The following ANKRD17 variants were observed in gnomAD, a reference collection of about 807,000 sequenced individuals.
The protein encoded by ANKRD17 is ankyrin repeat domain-containing protein 17.
In ANKRD17, 19 loss-of-function variants were observed where a neutral mutation model predicts 229.7. The ratio of observed to expected loss-of-function variants is 0.08; its 90% confidence interval spans 0.06 to 0.12. The LOEUF (loss-of-function observed/expected upper bound fraction) is 0.12, where lower values mean the gene tolerates loss of function less well. Ranked by LOEUF, ANKRD17 falls within the 10% of genes least tolerant of loss-of-function variation. The pLI is 1.00. For missense variants in ANKRD17, 2,176 were observed against 3,176.8 expected (o/e 0.68, Z 7.57); for synonymous variants, 1,112 against 1,146.1 (o/e 0.97, Z 0.60).
chr4:73,120,912 T>A lies in ANKRD17; in HGVS notation c.3818A>T (p.Asp1273Val). 1 of 1,613,590 alleles carries A rather than the reference T, an allele frequency of 6.2e-7. No individual in the cohort carries two copies. Residue 1273 changes from aspartate (D) to valine (V), a missense_variant, in exon 20 of 34, where the codon GAT (aspartate) becomes GTT (valine). This residue lies in a region of ANKRD17 where 178 missense variants were observed against 421.7 expected (regional missense o/e 0.42). Coordinates refer to ENST00000358602, the MANE Select transcript of ANKRD17 (RefSeq NM_032217.5). ...GRTEVVSLLL[D>V]RKANVEHRAK... ...TCTGTGTTCAACATTTGCTTTTCTA[T>A]CAAGCAGAAGACTAACCACTTCAGT... is the stretch of plus-strand genomic sequence containing the variant.
chr4:73,210,476 T>G (rs1003635345), intron 1 of ANKRD17, among the ~76,000 whole-genome samples: 39 of 152,152 alleles, frequency 2.6e-4, no homozygotes, highest in African/African-American at 8.4e-4. Context: ...TCATGCTCAC[T>G]GTGTGGGCCA....
intron 1 of ANKRD17, among the ~76,000 whole-genome samples, chr4:73,184,528 C>CAAAAAAAAAAAA (rs776930137): frequency 1.7e-4 from 5 of 29,966 alleles, no homozygotes; most frequent in Non-Finnish European, 3.2e-4. Context: ...GACTTCCTCT[C>CAAAAAAAAAAAA]AAAAAAAAAA....
At chr4:73,158,166 A>AAGAAAG (rs1474048189) in intron 3 of ANKRD17, among the ~76,000 whole-genome samples, 1 of 150,294 alleles carries the variant, frequency 6.7e-6, no homozygotes, top group Non-Finnish European at 1.5e-5. Flanking sequence ...GAAAGAAAGA[A>AAGAAAG]AGAAAGAAAG....
At chr4:73,118,538 T>C (rs1020502702) in intron 22 of ANKRD17, 150 bp downstream of exon 22, 70 of 857,268 alleles carry the variant, frequency 8.2e-5, no homozygotes, top group South Asian at 1.5e-4. Flanking sequence ...TATATCTACA[T>C]TTAATGTTGC....
chr4:73,156,171 T>G lies in ANKRD17; in HGVS notation c.705-5A>C, dbSNP rs182259689. 2.1e-3 allele frequency: 3,305 copies of G among 1,586,516 alleles called. 3 individuals are homozygous for G. The highest frequency in any genetic ancestry group is 2.6e-3 in the Non-Finnish European group (3,024 of 1,172,502). On this transcript the variant is annotated splice_polypyrimidine_tract_variant and splice_region_variant and intron_variant, in intron 3 of 33. Coordinates refer to ENST00000358602, the MANE Select transcript of ANKRD17 (RefSeq NM_032217.5). ...CAGGCTTCTGCCAAACTGCGGCTAT[T>G]ACGGAAAGAATATCACAATACCAGA...
chr4:73,211,104 A>G (rs911673406), intron 1 of ANKRD17, among the ~76,000 whole-genome samples: 8 of 152,138 alleles, frequency 5.3e-5, no homozygotes, highest in Non-Finnish European at 7.3e-5. Flanking sequence ...GTCGCTAAAA[A>G]TTAACCATAT....
At chr4:73,078,430 T>C (rs549595561) in intron 31 of ANKRD17, among the ~76,000 whole-genome samples, 1 of 152,056 alleles carries the variant, frequency 6.6e-6, no homozygotes, top group East Asian at 1.9e-4. Flanking sequence ...CCCAGCTACT[T>C]GGGAGGCTGT....
intron 1 of ANKRD17, among the ~76,000 whole-genome samples, chr4:73,242,215 T>A (rs534154240): frequency 6.6e-6 from 1 of 152,134 alleles, no homozygotes; most frequent in Non-Finnish European, 1.5e-5. Context: ...GGAATCAATA[T>A]GACATTTGAG....
In ANKRD17 at chr4:73,091,465, C is replaced by G. The variant is rs752633138; in HGVS notation, c.6163G>C (p.Val2055Leu). The change falls in exon 29 of 34, where the codon GTT (valine) becomes CTT (leucine). Residue 2055 changes from valine to leucine, a missense_variant. By Grantham distance (32) the Val-to-Leu change is conservative (BLOSUM62 1). This residue lies in a region of ANKRD17 where 424 missense variants were observed against 454.0 expected (regional missense o/e 0.93). Coordinates refer to ENST00000358602, the MANE Select transcript of ANKRD17 (RefSeq NM_032217.5). ...SPSPPAQPGG[V>L]SRNSPLDCGS... The stretch of plus-strand genomic sequence containing the variant: ...CAATCCAAAGGGCTGTTTCTAGAAA[C>G]CCCTCCTGGCTGGGCTGGTGGTGAT... 1.4e-5 allele frequency: 23 copies of G among 1,614,144 alleles called. No homozygotes were observed. Among genetic ancestry groups the G allele is most frequent in the Non-Finnish European group, 1.9e-5 (23 of 1,180,024 alleles).
chr4:73,147,177 CATT>C (rs1730397243), intron 9 of ANKRD17, 61 bp downstream of exon 9: 5 of 1,386,648 alleles, frequency 3.6e-6, no homozygotes, highest in African/African-American at 1.5e-5. Flanking sequence ...AAAATATTTG[CATT>C]ATGACATTTT....
At chr4:73,184,988 G>A (rs958948370) in intron 1 of ANKRD17, among the ~76,000 whole-genome samples, 1 of 152,068 alleles carries the variant, frequency 6.6e-6, no homozygotes, top group African/African-American at 2.4e-5. Flanking sequence ...TTAGACAGCT[G>A]TGACACCAGA....
intron 11 of ANKRD17, among the ~76,000 whole-genome samples, chr4:73,143,539 G>A (rs968181133): frequency 5.3e-5 from 8 of 152,148 alleles, no homozygotes; most frequent in African/African-American, 9.7e-5. Flanking sequence ...AGGGGACAGC[G>A]ATTATGTACA....
At chr4:73,121,922 T>C (rs1035179056) in intron 18 of ANKRD17, among the ~76,000 whole-genome samples, 163 bp from the exon 19 acceptor site, 1 of 152,174 alleles carries the variant, frequency 6.6e-6, no homozygotes, top group Non-Finnish European at 1.5e-5. Context: ...CAGGAGGTCT[T>C]AGAAGCCAAC....
chr4:73,179,518 A>ATTTT (rs56182757), intron 1 of ANKRD17, among the ~76,000 whole-genome samples: 820 of 40,774 alleles, frequency 0.02, 70 homozygotes, highest in African/African-American at 0.044. Context: ...ATATATATAT[A>ATTTT]TTTTTTTTTT....
intron 1 of ANKRD17, among the ~76,000 whole-genome samples, chr4:73,201,420 T>C (rs2149108202): frequency 6.6e-6 from 1 of 151,100 alleles, no homozygotes; most frequent in African/African-American, 2.4e-5. Flanking sequence ...ATCACCAAAA[T>C]AATGATTTTC....
chr4:73,170,271 G>GC (rs906910799), intron 2 of ANKRD17, among the ~76,000 whole-genome samples: 6 of 151,840 alleles, frequency 4.0e-5, no homozygotes, highest in African/African-American at 9.7e-5. Context: ...GATTCGTGAG[G>GC]CCCCCCATTC....
Position 73,156,052 on chromosome 4 carries a change from T to C in ANKRD17, c.819A>G (p.Leu273=). ...GCTCATAGTATCCAGCAGAACAAGC[T>C]AAACAAAGGAGGCTCTCCCCTTCCT... is the stretch of plus-strand genomic sequence containing the variant. ...HTEEGESLLC[L]ACSAGYYELA... The change falls in exon 4 of 34, where the codon TTA becomes TTG. Residue 273 remains leucine, a synonymous_variant. Transcript: ENST00000358602. 6.2e-7 allele frequency: 1 copy of C among 1,609,202 alleles called. No homozygotes were observed. The highest frequency in any genetic ancestry group is 8.5e-7 in the Non-Finnish European group (1 of 1,178,726).
chr4:73,079,813 A>G (rs1721368364), intron 30 of ANKRD17, among the ~76,000 whole-genome samples: 1 of 152,214 alleles, frequency 6.6e-6, no homozygotes, highest in Admixed American at 6.5e-5. Flanking sequence ...ATTATATTTT[A>G]TGTGAAAAGC....
At chr4:73,102,923 G>T in intron 24 of ANKRD17, 1 of 162,552 alleles carries the variant, frequency 6.2e-6, no homozygotes, top group Non-Finnish European at 1.3e-5. Flanking sequence ...GTACTGCTGC[G>T]GGCATGAATA....
Sources: gnomAD v4.1 joint callset for allele counts (sites outside exome capture counted in the v4.1 genomes callset) on GRCh38, gnomAD v4.1.1 for gene constraint, gnomAD v4.1.1 regional missense constraint, MANE v1.5 for transcripts, NCBI Gene and HGNC (gene_info 2026-07-23, HGNC 2026-07-21) for gene names.